Variants in PTPRD observed in about 807,000 individuals in gnomAD.
PTPRD encodes the protein protein tyrosine phosphatase receptor type D.
Under a neutral mutation model 214.5 loss-of-function variants are expected in PTPRD, and 34 were observed. That is an observed-to-expected ratio of 0.16 (90% CI 0.12 to 0.21). PTPRD has a LOEUF of 0.21. Among genes scored for constraint, PTPRD ranks in the 10% least tolerant of loss-of-function variants. PTPRD has a pLI of 1.00. For synonymous variants in PTPRD, 1,128 were observed against 845.7 expected (o/e 1.33, Z -5.79); for missense variants, 2,545 against 2,398.7 (o/e 1.06, Z -1.27).
chr9:10,369,674 G>A (rs182258044), intron 2 of PTPRD, among the ~76,000 whole-genome samples: 43 of 152,038 alleles, frequency 2.8e-4, no homozygotes, highest in African/African-American at 8.0e-4. Flanking sequence ...CTGCCTAGTC[G>A]CCCCATTCTC....
At chr9:9,456,272 T>C (rs986276268) in intron 8 of PTPRD, among the ~76,000 whole-genome samples, 4 of 151,832 alleles carry the variant, frequency 2.6e-5, no homozygotes, top group African/African-American at 7.2e-5. Context: ...GATCTGATTA[T>C]TGAAAACTAC....
chr9:8,595,353 A>G (rs1018583437), intron 14 of PTPRD, among the ~76,000 whole-genome samples: 1 of 152,158 alleles, frequency 6.6e-6, no homozygotes, highest in African/African-American at 2.4e-5. Flanking sequence ...CATATAGCCA[A>G]TCAAAGCTTA....
Position 9,754,507 on chromosome 9 carries a change from G to T in PTPRD, c.-326+12303C>A, listed in dbSNP as rs185847944. Among the ~76,000 whole-genome samples the T allele has an allele frequency of 4.6e-5, 7 of 152,052 alleles. No individual in the cohort carries two copies. The East Asian group carries it at 1.4e-3, about 29-fold the overall frequency. ...GTGATAAATAATAGCAGTTCTTGAC[G>T]GCTTCACAAGAATATTTGGCAAAAA... On this transcript the variant is annotated intron_variant, in intron 6 of 45. Transcript: ENST00000381196.
chr9:8,347,922 T>C (rs1344104098), intron 39 of PTPRD, among the ~76,000 whole-genome samples: 40 of 152,122 alleles, frequency 2.6e-4, no homozygotes, highest in Admixed American at 2.6e-3. Flanking sequence ...TAAGTTTCTG[T>C]TGTTTGAGCC....
At chr9:9,947,636 TTA>T (rs35323852) in intron 4 of PTPRD, among the ~76,000 whole-genome samples, 5 of 70,236 alleles carry the variant, frequency 7.1e-5, no homozygotes, top group Admixed American at 2.9e-4. Flanking sequence ...AATATATATT[TTA>T]TATATATATA....
chr9:8,579,107 G>A (rs1259438385), intron 14 of PTPRD, among the ~76,000 whole-genome samples: 1 of 152,148 alleles, frequency 6.6e-6, no homozygotes, highest in Non-Finnish European at 1.5e-5. Flanking sequence ...TCATAGCAAA[G>A]AAACAGGGAG....
At chr9:9,271,658 C>T (rs979695811) in intron 9 of PTPRD, among the ~76,000 whole-genome samples, 15 of 151,326 alleles carry the variant, frequency 9.9e-5, no homozygotes, top group African/African-American at 2.7e-4. Flanking sequence ...AAACAGTCTG[C>T]AAAAATGTAT....
intron 5 of PTPRD, among the ~76,000 whole-genome samples, chr9:9,848,465 G>T (rs1306044886): frequency 6.6e-6 from 1 of 152,064 alleles, no homozygotes; most frequent in African/African-American, 2.4e-5. Flanking sequence ...CCATTAATAA[G>T]CATTTACATG....
At chr9:10,157,781 T>A (rs2099102537) in intron 3 of PTPRD, among the ~76,000 whole-genome samples, 1 of 152,140 alleles carries the variant, frequency 6.6e-6, no homozygotes, top group Non-Finnish European at 1.5e-5. Context: ...CAAAAATGAA[T>A]CATAGATTTG....
At chr9:9,091,313 T>TA (rs199555081) in intron 10 of PTPRD, 519 of 995,698 alleles carry the variant, frequency 5.2e-4, no homozygotes, top group Middle Eastern at 1.5e-3. Flanking sequence ...AATTGTACTT[T>TA]AAAAAAAAAA....
intron 11 of PTPRD, among the ~76,000 whole-genome samples, chr9:8,749,297 C>T (rs557132506): frequency 1.3e-5 from 2 of 152,210 alleles, no homozygotes; most frequent in South Asian, 4.2e-4. Context: ...TCTACATTCT[C>T]GTGTCTCATC....
intron 9 of PTPRD, among the ~76,000 whole-genome samples, chr9:9,262,995 A>G (rs10125274): frequency 0.3 from 45,271 of 151,474 alleles, 6,931 homozygotes; most frequent in East Asian, 0.43. Flanking sequence ...TCTGATACAT[A>G]TAATAATTTG....
At chr9:8,711,692 G>C (rs79896496) in intron 12 of PTPRD, among the ~76,000 whole-genome samples, 3,251 of 152,236 alleles carry the variant, frequency 0.021, 113 homozygotes, top group African/African-American at 0.073. Context: ...TTGGTTGGGA[G>C]GTGGGCCCAG....
chr9:9,907,386 T>C (rs930203915), intron 5 of PTPRD, among the ~76,000 whole-genome samples: 5 of 151,906 alleles, frequency 3.3e-5, no homozygotes, highest in African/African-American at 1.2e-4. Context: ...TTTCTCACAG[T>C]TTTAAGAGGA....
At chr9:9,730,076 G>C (rs1012038380) in intron 7 of PTPRD, among the ~76,000 whole-genome samples, 4 of 152,000 alleles carry the variant, frequency 2.6e-5, no homozygotes, top group Non-Finnish European at 4.4e-5. Flanking sequence ...TGAGGGGAGA[G>C]TATCTTGTAG....
chr9:9,788,761 ACCAAATCTGGC>A (rs1490090354), intron 5 of PTPRD, among the ~76,000 whole-genome samples: 1 of 152,066 alleles, frequency 6.6e-6, no homozygotes, highest in African/African-American at 2.4e-5. Context: ...AAATGTGATA[ACCAAATCTGGC>A]CATATTTTAA....
intron 4 of PTPRD, among the ~76,000 whole-genome samples, chr9:10,022,611 C>A (rs1317868905): frequency 6.6e-6 from 1 of 152,098 alleles, no homozygotes; most frequent in Non-Finnish European, 1.5e-5. Flanking sequence ...GAATAAAAAA[C>A]AAACTACACA....
chr9:10,356,774 A>G (rs890741809), intron 2 of PTPRD, among the ~76,000 whole-genome samples: 2 of 151,856 alleles, frequency 1.3e-5, no homozygotes, highest in African/African-American at 4.8e-5. Flanking sequence ...CTGTCTCCCA[A>G]GTTCAAGGGG....
At chr9:10,410,270 T>TATATATATATATATATATATACACAC (rs532202941) in intron 2 of PTPRD, among the ~76,000 whole-genome samples, 16 of 139,852 alleles carry the variant, frequency 1.1e-4, no homozygotes, top group Non-Finnish European at 1.5e-4. Context: ...TATATATATA[T>TATATATATATATATATATATACACAC]ACACACACAC....
Sources: allele counts gnomAD v4.1 joint callset (sites outside exome capture counted in the v4.1 genomes callset), GRCh38; gene constraint gnomAD v4.1.1; transcripts MANE v1.5; gene names NCBI Gene and HGNC (gene_info 2026-07-23, HGNC 2026-07-21).